The following FAM8A1 variants were observed in gnomAD, a reference collection of about 807,000 sequenced individuals.
The protein encoded by FAM8A1 is protein FAM8A1.
In FAM8A1, 18 loss-of-function variants were observed where a neutral mutation model predicts 38.3. That is an observed-to-expected ratio of 0.47 (90% CI 0.33 to 0.70). FAM8A1 has a LOEUF of 0.70. Ranked by LOEUF, FAM8A1 falls within the 30% of genes least tolerant of loss-of-function variation. FAM8A1 has a pLI of 0.03. For synonymous variants in FAM8A1, 246 were observed against 234.4 expected (o/e 1.05, Z -0.45); for missense variants, 559 against 559.6 (o/e 1.00, Z 0.01).
rs140768042 is a variant in FAM8A1, at chr6:17,610,205, C to G, written c.*1866C>G. On this transcript the variant is annotated 3_prime_UTR_variant, in exon 5 of 5. Coordinates refer to ENST00000259963, the MANE Select transcript of FAM8A1 (RefSeq NM_016255.3). ...GGGGAATTCAAGTTGAAATGTCCCT[C>G]AATCATATAGGTCTGGAATACATCT... 1 of 152,224 alleles carries G rather than the reference C, an allele frequency of 6.6e-6. No homozygotes were observed. Among genetic ancestry groups the G allele is most frequent in the Non-Finnish European group, 1.5e-5 (1 of 67,980 alleles). 9.4% of individuals were successfully genotyped at this position (152,224 alleles called of 1,614,324 possible).
rs777077083 is a variant in FAM8A1, at chr6:17,600,479, C to G, written c.70C>G (p.Pro24Ala). The part of the protein sequence containing the change: ...GQDDGGGDHE[P>A]VPSLRGPPTT... Reference sequence around the variant, plus strand: ...GGACGATGGCGGAGGGGACCACGAGCCCGTCCCTTCCCTGAGAGGCCCTCC... The same window carrying G: ...GGACGATGGCGGAGGGGACCACGAGGCCGTCCCTTCCCTGAGAGGCCCTCC... Residue 24 changes from proline to alanine, a missense_variant, in exon 1 of 5, where the codon CCC (proline) becomes GCC (alanine). Physicochemically the swap from Pro to Ala is conservative, Grantham distance 27. Coordinates refer to ENST00000259963, the MANE Select transcript of FAM8A1 (RefSeq NM_016255.3). The G allele has an allele frequency of 4.6e-6, 7 of 1,519,782 alleles. No individual in the cohort carries two copies. In the Admixed American group the frequency reaches 8.3e-5, roughly 18 times the overall value. The allele number at this position is 1,519,782 out of a possible 1,614,324, so 94.1% of individuals were successfully genotyped here. A position where few individuals can be genotyped will look rare whatever the true frequency, so the allele number is the denominator to read the frequency against.
At position 17,600,499 on chromosome 6, in the gene FAM8A1, C is replaced by T. The variant is rs1763964789; in HGVS notation, c.90C>T (p.Gly30=). 4.6e-6 allele frequency: 7 copies of T among 1,534,316 alleles called. No homozygotes were observed. The South Asian group carries it at 8.6e-5, about 19-fold the overall frequency. ...GDHEPVPSLR[G]PPTTAVPCPR... ...ACGAGCCCGTCCCTTCCCTGAGAGG[C>T]CCTCCTACCACCGCCGTCCCATGCC... The change falls in exon 1 of 5, where the codon GGC becomes GGT. Residue 30 remains glycine, a synonymous_variant. Coordinates refer to ENST00000259963, the MANE Select transcript of FAM8A1 (RefSeq NM_016255.3).
chr6:17,610,273 C>A lies in FAM8A1; in HGVS notation c.*1934C>A, dbSNP rs900758802. ...CTCAGATAATTGAATAGTTTGCCAT[C>A]GAGATTATTTTCATTTATACTATAA... On this transcript the variant is annotated 3_prime_UTR_variant, in exon 5 of 5. Coordinates refer to ENST00000259963, the MANE Select transcript of FAM8A1 (RefSeq NM_016255.3). The A allele has an allele frequency of 6.6e-6, 1 of 151,948 alleles. No homozygotes were observed. The highest frequency in any genetic ancestry group is 2.1e-4 in the South Asian group (1 of 4,810). The allele number at this position is 151,948 out of a possible 1,614,324, so 9.4% of individuals were successfully genotyped here.
Position 17,608,478 on chromosome 6 carries a change from A to G in FAM8A1, c.*139A>G. 1 of 896,710 alleles carries G rather than the reference A, an allele frequency of 1.1e-6. No homozygotes were observed. Among genetic ancestry groups the G allele is most frequent in the Non-Finnish European group, 1.6e-6 (1 of 637,542 alleles). 55.5% of individuals were successfully genotyped at this position (896,710 alleles called of 1,614,324 possible). A position where few individuals can be genotyped will look rare whatever the true frequency, so the allele number is the denominator to read the frequency against. Reference sequence around the variant, plus strand: ...TGATGCAGGTGACTACTCTGAAAGTATTGATTATACTTGAATGCCAAAGAA... The same window carrying G: ...TGATGCAGGTGACTACTCTGAAAGTGTTGATTATACTTGAATGCCAAAGAA... On this transcript the variant is annotated 3_prime_UTR_variant, in exon 5 of 5. Transcript: ENST00000259963.
intron 4 of FAM8A1, among the ~76,000 whole-genome samples, chr6:17,607,309 CTTTTAA>C (rs1764068212): frequency 6.7e-6 from 1 of 149,836 alleles, no homozygotes; most frequent in African/African-American, 2.5e-5. Flanking sequence ...CTACCTACTT[CTTTTAA>C]TAAGAGTCAG....
At chr6:17,607,013 C>T (rs964802116) in intron 4 of FAM8A1, among the ~76,000 whole-genome samples, 18 of 152,122 alleles carry the variant, frequency 1.2e-4, no homozygotes, top group African/African-American at 2.4e-4. Flanking sequence ...GTAATCCCAG[C>T]ACTTTGTGAG....
chr6:17,604,880 T>C (rs1764031337), intron 2 of FAM8A1, 26 bp from the exon 3 acceptor site: 1 of 1,536,976 alleles, frequency 6.5e-7, no homozygotes, highest in Non-Finnish European at 8.8e-7. Flanking sequence ...TAATTATTTA[T>C]AACCCCAAAC....
intron 1 of FAM8A1, among the ~76,000 whole-genome samples, chr6:17,601,530 A>G (rs999772451): frequency 3.3e-5 from 5 of 152,218 alleles, no homozygotes; most frequent in Non-Finnish European, 7.3e-5. Flanking sequence ...AGGACAGTGG[A>G]ACTGAACGGA....
intron 2 of FAM8A1, among the ~76,000 whole-genome samples, chr6:17,604,155 C>A (rs1764022503): frequency 6.6e-6 from 1 of 152,076 alleles, no homozygotes; most frequent in Admixed American, 6.6e-5. Context: ...AGGCGATCCT[C>A]CCACCTCAGC....
intron 1 of FAM8A1, among the ~76,000 whole-genome samples, chr6:17,601,957 TCTC>T (rs767486108): frequency 1.4e-4 from 21 of 152,228 alleles, no homozygotes; most frequent in Non-Finnish European, 2.2e-4. Context: ...TCACCTGGAT[TCTC>T]CTCATTAGAA....
intron 4 of FAM8A1, among the ~76,000 whole-genome samples, chr6:17,607,413 AAGAT>A (rs1189708495): frequency 4.0e-5 from 6 of 151,310 alleles, no homozygotes; most frequent in Non-Finnish European, 8.8e-5. Context: ...ACAACCTCAT[AAGAT>A]AGAGACTATT....
chr6:17,607,382 A>G (rs1764068966), intron 4 of FAM8A1, among the ~76,000 whole-genome samples: 1 of 151,938 alleles, frequency 6.6e-6, no homozygotes, highest in Admixed American at 6.6e-5. Context: ...ATAACACTGC[A>G]TATGTATTAA....
intron 1 of FAM8A1, 93 bp from the exon 2 acceptor site, chr6:17,602,497 G>A: frequency 7.9e-7 from 1 of 1,267,234 alleles, no homozygotes; most frequent in Non-Finnish European, 1.1e-6. Context: ...GTTGTACCTT[G>A]ACTTTCTTTA....
chr6:17,602,561 CCTAA>C lies in FAM8A1; in HGVS notation c.713-26_713-23del, dbSNP rs762745658. 4.9e-5 allele frequency: 70 copies of C among 1,436,192 alleles called. No individual in the cohort carries two copies. The East Asian group carries it at 1.7e-3, about 36-fold the overall frequency. The allele number at this position is 1,436,192 out of a possible 1,614,324, so 89.0% of individuals were successfully genotyped here. ...GGCTTATGTGAAATGATTCGTTTTT[CCTAA>C]CTTTTTTTTTTTTTTAATTTACAGG... is the stretch of plus-strand genomic sequence containing the variant. On this transcript the variant is annotated intron_variant, in intron 1 of 4. Coordinates refer to ENST00000259963, the MANE Select transcript of FAM8A1 (RefSeq NM_016255.3).
intron 4 of FAM8A1, among the ~76,000 whole-genome samples, chr6:17,607,326 T>C (rs1443022084): frequency 1.3e-5 from 2 of 151,114 alleles, no homozygotes; most frequent in Non-Finnish European, 2.9e-5. Flanking sequence ...TAAGAGTCAG[T>C]AATGGCTAAT....
At chr6:17,602,861 T>C in intron 2 of FAM8A1, 151 bp downstream of exon 2, 1 of 727,112 alleles carries the variant, frequency 1.4e-6, no homozygotes, top group Non-Finnish European at 2.0e-6. Context: ...TTTATTGTTT[T>C]CTTGTTGATT....
At position 17,610,206 on chromosome 6, in the gene FAM8A1, A is replaced by G; in HGVS notation, c.*1867A>G. The stretch of plus-strand genomic sequence containing the variant: ...GGGAATTCAAGTTGAAATGTCCCTC[A>G]ATCATATAGGTCTGGAATACATCTT... On this transcript the variant is annotated 3_prime_UTR_variant, in exon 5 of 5. Transcript: ENST00000259963. 1 of 152,166 alleles carries G rather than the reference A, an allele frequency of 6.6e-6. No homozygotes were observed. 9.4% of individuals were successfully genotyped at this position (152,166 alleles called of 1,614,324 possible).
In FAM8A1 at chr6:17,602,572, T is replaced by C. The variant is rs751163089; in HGVS notation, c.713-18T>C. The C allele has an allele frequency of 1.3e-6, 2 of 1,535,348 alleles. No homozygotes were observed. The highest frequency in any genetic ancestry group is 1.7e-6 in the Non-Finnish European group (2 of 1,151,964). On this transcript the variant is annotated intron_variant, in intron 1 of 4. Transcript: ENST00000259963. ...AATGATTCGTTTTTCCTAACTTTTTTTTTTTTTTAATTTACAGGCAGAGAA... is the reference window on the plus strand; with the variant it reads ...AATGATTCGTTTTTCCTAACTTTTTCTTTTTTTTAATTTACAGGCAGAGAA...
intron 4 of FAM8A1, among the ~76,000 whole-genome samples, chr6:17,606,749 C>G (rs1286946470): frequency 6.6e-6 from 1 of 152,054 alleles, no homozygotes; most frequent in East Asian, 1.9e-4. Flanking sequence ...TGTAATACTG[C>G]CAGTATTCAA....
Sources: allele counts gnomAD v4.1 joint callset (sites outside exome capture counted in the v4.1 genomes callset), GRCh38; gene constraint gnomAD v4.1.1; transcripts MANE v1.5; gene names NCBI Gene and HGNC (gene_info 2026-07-23, HGNC 2026-07-21).